Variants in DSCAM observed in about 807,000 individuals in gnomAD.
DSCAM encodes the protein DS cell adhesion molecule, also known as cell adhesion molecule DSCAM.
Under a neutral mutation model 217.7 loss-of-function variants are expected in DSCAM, and 47 were observed. The observed-to-expected ratio is 0.22, with a 90% confidence interval of 0.17 to 0.28. DSCAM has a LOEUF of 0.28. Ranked by LOEUF, DSCAM falls within the 10% of genes least tolerant of loss-of-function variation. The probability of loss-of-function intolerance (pLI) is 1.00; values close to 1 mark genes in which losing one functional copy is unlikely to be tolerated. For missense variants in DSCAM, 2,080 were observed against 2,618.3 expected, an observed-to-expected ratio of 0.79 and a Z score of 4.49; for synonymous variants, 1,056 against 1,015.3, an observed-to-expected ratio of 1.04 and a Z score of -0.76.
intron 19 of DSCAM, among the ~76,000 whole-genome samples, chr21:40,125,770 G>A (rs114091637): frequency 2.2e-3 from 334 of 152,312 alleles, no homozygotes; most frequent in African/African-American, 7.7e-3. Flanking sequence ...TATCAGGTGA[G>A]GGTAATGTCT....
At chr21:40,767,775 G>A (rs911247930) in intron 1 of DSCAM, among the ~76,000 whole-genome samples, 3 of 152,110 alleles carry the variant, frequency 2.0e-5, no homozygotes, top group African/African-American at 4.8e-5. Flanking sequence ...CCATTTCTAC[G>A]GATGGTGCCA....
intron 3 of DSCAM, among the ~76,000 whole-genome samples, chr21:40,544,398 C>T (rs2076565304): frequency 6.6e-6 from 1 of 152,090 alleles, no homozygotes. Context: ...AGGGTATTTG[C>T]AGATGTAATT....
chr21:40,321,598 G>A (rs1181275600), intron 8 of DSCAM, among the ~76,000 whole-genome samples: 1 of 148,474 alleles, frequency 6.7e-6, no homozygotes, highest in African/African-American at 2.5e-5. Context: ...TCTTTCAATT[G>A]TGTCCTAACT....
At chr21:40,446,750 T>A (rs1413102347) in intron 3 of DSCAM, among the ~76,000 whole-genome samples, 2 of 152,184 alleles carry the variant, frequency 1.3e-5, no homozygotes, top group East Asian at 3.9e-4. Context: ...AATAAACATA[T>A]CTGTTTTCAA....
intron 20 of DSCAM, among the ~76,000 whole-genome samples, chr21:40,122,747 C>T (rs1034611384): frequency 5.9e-5 from 9 of 152,150 alleles, no homozygotes; most frequent in African/African-American, 1.9e-4. Context: ...ACTTCAAGGG[C>T]AGAGTACTGC....
At chr21:40,266,883 A>G (rs185244779) in intron 11 of DSCAM, among the ~76,000 whole-genome samples, 242 of 150,082 alleles carry the variant, frequency 1.6e-3, no homozygotes, top group Non-Finnish European at 2.0e-3. Context: ...AGCAACTTAG[A>G]TGGAACTAGA....
chr21:40,749,010 C>T (rs753678255), intron 1 of DSCAM, among the ~76,000 whole-genome samples: 5 of 152,062 alleles, frequency 3.3e-5, no homozygotes, highest in Non-Finnish European at 4.4e-5. Context: ...AAACGGTCCT[C>T]GGAAACTGGA....
intron 13 of DSCAM, 102 bp downstream of exon 13, chr21:40,187,789 G>T: frequency 2.9e-6 from 3 of 1,024,952 alleles, no homozygotes; most frequent in Non-Finnish European, 4.6e-6. Context: ...GAATTAGGAA[G>T]TGTTACATGG....
At chr21:40,040,363 G>C (rs561470395) in intron 32 of DSCAM, among the ~76,000 whole-genome samples, 2 of 152,296 alleles carry the variant, frequency 1.3e-5, no homozygotes, top group East Asian at 3.9e-4. Context: ...CCAACAATAT[G>C]AGCAGCGTGC....
intron 1 of DSCAM, among the ~76,000 whole-genome samples, chr21:40,831,411 G>C (rs146438198): frequency 2.0e-5 from 3 of 152,164 alleles, no homozygotes; most frequent in Non-Finnish European, 4.4e-5. Flanking sequence ...TCTTTAAGAC[G>C]CATGTCCCAT....
At chr21:40,541,051 T>G (rs57455866) in intron 3 of DSCAM, among the ~76,000 whole-genome samples, 12,269 of 152,082 alleles carry the variant, frequency 0.081, 974 homozygotes, top group African/African-American at 0.2. Context: ...ACAATAAAAG[T>G]GTTAGAAGAA....
chr21:40,031,653 T>C (rs758859534), intron 32 of DSCAM, among the ~76,000 whole-genome samples: 128 of 151,460 alleles, frequency 8.5e-4, no homozygotes, highest in Non-Finnish European at 1.4e-3. Context: ...CGCACACACA[T>C]ACACAGCCCA....
chr21:40,780,411 G>GTATATATATATATA lies in DSCAM; in HGVS notation c.43+66207_43+66208insTATATATATATATA, dbSNP rs749398798. On this transcript the variant is annotated intron_variant, in intron 1 of 32. Coordinates refer to ENST00000400454, the MANE Select transcript of DSCAM (RefSeq NM_001389.5). Reference sequence around the variant, plus strand: ...TCCAAATATAAACGTGTGTGTGTGTGTGTGTGTGTGTGTATATATATATAT... The same window carrying GTATATATATATATA: ...TCCAAATATAAACGTGTGTGTGTGTGTATATATATATATATGTGTGTGTGTGTATATATATATAT... Among the ~76,000 whole-genome samples, 559 of 87,854 alleles carry GTATATATATATATA rather than the reference G, an allele frequency of 6.4e-3. 13 individuals are homozygous for GTATATATATATATA. Among genetic ancestry groups the GTATATATATATATA allele is most frequent in the Non-Finnish European group, 0.01 (418 of 39,840 alleles). The allele number at this position is 87,854 out of a possible 152,430, so 57.6% of individuals were successfully genotyped here.
intron 14 of DSCAM, among the ~76,000 whole-genome samples, chr21:40,183,434 T>C (rs2090859597): frequency 6.6e-6 from 1 of 152,186 alleles, no homozygotes; most frequent in African/African-American, 2.4e-5. Flanking sequence ...CCCGCTCAGA[T>C]GACGCCTCTG....
chr21:40,307,663 G>C (rs1226523595), intron 9 of DSCAM, among the ~76,000 whole-genome samples: 2 of 152,160 alleles, frequency 1.3e-5, no homozygotes, highest in Non-Finnish European at 2.9e-5. Context: ...ATTCACAATA[G>C]CAAAGACTTG....
chr21:40,720,192 T>C (rs1311940291), intron 1 of DSCAM, among the ~76,000 whole-genome samples: 1 of 152,214 alleles, frequency 6.6e-6, no homozygotes, highest in African/African-American at 2.4e-5. Flanking sequence ...ATTGATTTCA[T>C]AGGAATACGT....
chr21:40,133,671 T>C (rs931995112), intron 19 of DSCAM, among the ~76,000 whole-genome samples, 183 bp downstream of exon 19: 2 of 152,008 alleles, frequency 1.3e-5, no homozygotes, highest in Admixed American at 6.6e-5. Context: ...AGCAATGGAT[T>C]AGACACATCA....
chr21:40,659,585 A>G (rs976398726), intron 3 of DSCAM, among the ~76,000 whole-genome samples: 2 of 152,024 alleles, frequency 1.3e-5, no homozygotes, highest in African/African-American at 4.8e-5. Flanking sequence ...TCTATCTTTC[A>G]TCTATCTGCC....
intron 3 of DSCAM, among the ~76,000 whole-genome samples, chr21:40,676,385 G>A (rs8134673): frequency 0.34 from 52,142 of 152,012 alleles, 10,481 homozygotes; most frequent in Non-Finnish European, 0.45. Flanking sequence ...CATCTGAAAT[G>A]GACTTCAGGC....
Sources: allele counts gnomAD v4.1 joint callset (sites outside exome capture counted in the v4.1 genomes callset), GRCh38; gene constraint gnomAD v4.1.1; transcripts MANE v1.5; gene names NCBI Gene and HGNC (gene_info 2026-07-23, HGNC 2026-07-21).